EPYC: variants seen among roughly 807,000 people sequenced by gnomAD.
EPYC encodes the protein dermatan sulfate proteoglycan 3.
EPYC carries 28 observed loss-of-function variants against 30.1 expected under a neutral mutation model. That is an observed-to-expected ratio of 0.93 (90% CI 0.69 to 1.28). EPYC has a LOEUF of 1.28. Among genes scored for constraint, EPYC ranks in the 50% most tolerant of loss-of-function variants. The pLI is 0.00. For synonymous variants in EPYC, 144 were observed against 141.4 expected (o/e 1.02, Z -0.13); for missense variants, 382 against 383.5 (o/e 1.00, Z 0.03).
Position 90,983,554 on chromosome 12 carries a change from G to A in EPYC, c.166-5292C>T, listed in dbSNP as rs189745132. 2.0e-5 allele frequency among the ~76,000 whole-genome samples: 3 copies of A among 152,186 alleles called. No individual in the cohort carries two copies. In the East Asian group the frequency reaches 5.8e-4, roughly 30 times the overall value. ...TCTTATACTTCCGGGCTGAGCTGAG[G>A]GTTGACAGAGAGGAAAGCCATTCAG... On this transcript the variant is annotated intron_variant, in intron 2 of 6. Transcript: ENST00000261172.
At chr12:90,971,628 G>A (rs923947778) in intron 5 of EPYC, among the ~76,000 whole-genome samples, 172 bp downstream of exon 5, 2 of 151,260 alleles carry the variant, frequency 1.3e-5, no homozygotes, top group African/African-American at 2.4e-5. Flanking sequence ...GGCTGTGATC[G>A]CACCACTGCA....
chr12:90,969,148 G>T (rs1341396913), intron 6 of EPYC, among the ~76,000 whole-genome samples: 3 of 151,520 alleles, frequency 2.0e-5, no homozygotes, highest in African/African-American at 7.3e-5. Context: ...ATCCACAAGG[G>T]GAAACACAGG....
chr12:90,972,292 A>T (rs1877072591), intron 4 of EPYC, among the ~76,000 whole-genome samples: 1 of 152,168 alleles, frequency 6.6e-6, no homozygotes, highest in South Asian at 2.1e-4. Context: ...GTTTCCCTCA[A>T]TGATAAAGAC....
At chr12:91,002,189 CAAAAA>C (rs34987645) in intron 2 of EPYC, among the ~76,000 whole-genome samples, 1 of 73,452 alleles carries the variant, frequency 1.4e-5, no homozygotes, top group Non-Finnish European at 2.4e-5. Context: ...GACACTGTCT[CAAAAA>C]AAAAAAAAAA....
At chr12:91,004,738 T>A (rs1877912840) in intron 1 of EPYC, among the ~76,000 whole-genome samples, 1 of 152,230 alleles carries the variant, frequency 6.6e-6, no homozygotes, top group East Asian at 1.9e-4. Context: ...TGAGATTAAC[T>A]ATTTGCTGTA....
rs3047073 is a variant in EPYC at position 90,964,009 on chromosome 12, C to CATTAT, written c.*142_*146dup. The CATTAT allele has an allele frequency of 0.78, 413,466 of 532,846 alleles. 164,249 individuals carry two copies. The highest frequency in any genetic ancestry group is 0.82 in the Non-Finnish European group (263,267 of 320,436). 33.0% of individuals were successfully genotyped at this position (532,846 alleles called of 1,614,324 possible). A position where few individuals can be genotyped will look rare whatever the true frequency, so the allele number is the denominator to read the frequency against. On this transcript the variant is annotated 3_prime_UTR_variant, in exon 7 of 7. Coordinates refer to ENST00000261172, the MANE Select transcript of EPYC (RefSeq NM_004950.5). ...GTGTTTTCTTAAATTACTACATTTT[C>CATTAT]ATTATAACATTTTTAATTGTATTTT...
intron 2 of EPYC, among the ~76,000 whole-genome samples, chr12:90,990,451 C>T (rs1250646540): frequency 6.6e-6 from 1 of 152,106 alleles, no homozygotes; most frequent in African/African-American, 2.4e-5. Flanking sequence ...AAAGGATAAT[C>T]ATTACATGTT....
At chr12:90,966,265 G>A (rs1294428691) in intron 6 of EPYC, among the ~76,000 whole-genome samples, 1 of 151,990 alleles carries the variant, frequency 6.6e-6, no homozygotes, top group Admixed American at 6.6e-5. Context: ...GATGATGTTA[G>A]CCTGAGTTAT....
At position 90,994,881 on chromosome 12, in the gene EPYC, A is replaced by T. The variant is rs546357533; in HGVS notation, c.165+7520T>A. Among the ~76,000 whole-genome samples the T allele has an allele frequency of 2.6e-5, 4 of 152,240 alleles. No individual in the cohort carries two copies. In the East Asian group the frequency reaches 7.7e-4, roughly 29 times the overall value. The stretch of plus-strand genomic sequence containing the variant: ...TTTCATTAAACAAAATGAAATTTTG[A>T]ATTTATCTGTCTCTCAATTTGTTCT... On this transcript the variant is annotated intron_variant, in intron 2 of 6. Coordinates refer to ENST00000261172, the MANE Select transcript of EPYC (RefSeq NM_004950.5).
chr12:90,978,642 G>A (rs773919249), intron 2 of EPYC, among the ~76,000 whole-genome samples: 7 of 152,032 alleles, frequency 4.6e-5, no homozygotes, highest in African/African-American at 7.2e-5. Flanking sequence ...GAAGTGTACA[G>A]AGTAAATTCA....
intron 2 of EPYC, among the ~76,000 whole-genome samples, chr12:90,997,673 T>C (rs1216608184): frequency 1.3e-5 from 2 of 152,086 alleles, no homozygotes; most frequent in African/African-American, 2.4e-5. Flanking sequence ...CCTAGACTAG[T>C]AAATATGTGA....
At chr12:90,982,816 A>G (rs1238598234) in intron 2 of EPYC, among the ~76,000 whole-genome samples, 1 of 152,134 alleles carries the variant, frequency 6.6e-6, no homozygotes, top group African/African-American at 2.4e-5. Flanking sequence ...AAATGACAGG[A>G]GTTCATTCTT....
rs1285657545 is a variant in EPYC at position 90,981,931 on chromosome 12, A to G, written c.166-3669T>C. 2.0e-5 allele frequency among the ~76,000 whole-genome samples: 3 copies of G among 152,164 alleles called. No individual in the cohort carries two copies. The East Asian group carries it at 5.8e-4, about 29-fold the overall frequency. ...TGTAATATATATGTTATGGAAAAAA[A>G]TGCTGTTAAGAAATTCAAATAAACC... On this transcript the variant is annotated intron_variant, in intron 2 of 6. Coordinates refer to ENST00000261172, the MANE Select transcript of EPYC (RefSeq NM_004950.5).
chr12:90,970,091 G>T lies in EPYC; in HGVS notation c.751C>A (p.His251Asn). 6.2e-7 allele frequency: 1 copy of T among 1,613,960 alleles called. No homozygotes were observed. The highest frequency in any genetic ancestry group is 1.1e-5 in the South Asian group (1 of 91,082). The change falls in exon 6 of 7, where the codon CAC becomes AAC. Residue 251 changes from histidine to asparagine, a missense_variant. His to Asn is a moderately conservative substitution (Grantham distance 68). Transcript: ENST00000261172. ...HLYLTDNNLD[H>N]IPLPLPENLR... ...TTTTCTGGGAGTGGCAGAGGGATGT[G>T]GTCCAAGTTGTTATCAGTGAGGTAC... is the stretch of plus-strand genomic sequence containing the variant.
At position 90,978,273 on chromosome 12, in the gene EPYC, A is replaced by G. The variant is rs750022774; in HGVS notation, c.166-11T>C. On this transcript the variant is annotated splice_polypyrimidine_tract_variant and intron_variant, in intron 2 of 6. Transcript: ENST00000261172. ...TGTGGCTATTTCAATCTGAAAAAAA[A>G]AAAAAAAAGAGAATTTCTTCAGGCC... 146 of 1,574,046 alleles carry G rather than the reference A, an allele frequency of 9.3e-5. No homozygotes were observed. The African/African-American group carries it at 1.8e-3, about 20-fold the overall frequency.
At chr12:90,984,572 G>C (rs1877403597) in intron 2 of EPYC, among the ~76,000 whole-genome samples, 1 of 152,068 alleles carries the variant, frequency 6.6e-6, no homozygotes, top group African/African-American at 2.4e-5. Context: ...CCTGCAGCTT[G>C]ATCTTTTCTG....
chr12:90,978,797 C>G (rs535199705), intron 2 of EPYC, among the ~76,000 whole-genome samples: 4 of 152,010 alleles, frequency 2.6e-5, no homozygotes, highest in African/African-American at 9.7e-5. Context: ...TATACTGTCT[C>G]TAATGGCATT....
intron 2 of EPYC, among the ~76,000 whole-genome samples, chr12:91,000,967 AAC>A (rs1877809070): frequency 6.6e-6 from 1 of 152,102 alleles, no homozygotes. Flanking sequence ...AAATCCTGTT[AAC>A]AGACAGAATC....
intron 2 of EPYC, among the ~76,000 whole-genome samples, chr12:90,990,901 A>G (rs1049156384): frequency 5.9e-5 from 9 of 152,146 alleles, no homozygotes; most frequent in African/African-American, 2.2e-4. Context: ...TCCAAAATTT[A>G]CTGATCCTCT....
Sources: allele counts gnomAD v4.1 joint callset (sites outside exome capture counted in the v4.1 genomes callset), GRCh38; gene constraint gnomAD v4.1.1; transcripts MANE v1.5; gene names NCBI Gene and HGNC (gene_info 2026-07-23, HGNC 2026-07-21).